The following ADCY5 variants were observed in gnomAD, a reference collection of about 807,000 sequenced individuals.
The protein encoded by ADCY5 is adenylate cyclase 5.
Under a neutral mutation model 119.7 loss-of-function variants are expected in ADCY5, and 30 were observed. The observed-to-expected ratio is 0.25, with a 90% CI of 0.19 to 0.34. The LOEUF (loss-of-function observed/expected upper bound fraction) is 0.34. ADCY5 is among the 10% of genes least tolerant of loss of function. The pLI, the probability that ADCY5 is intolerant of heterozygous loss-of-function variation, is 1.00. For synonymous variants in ADCY5, 753 were observed against 762.2 expected (o/e 0.99, Z 0.20); for missense variants, 1,324 against 1,775.2 (o/e 0.75, Z 4.57).
intron 1 of ADCY5, among the ~76,000 whole-genome samples, chr3:123,401,372 G>T (rs557830519): frequency 6.6e-6 from 1 of 152,304 alleles, no homozygotes; most frequent in South Asian, 2.1e-4. Flanking sequence ...GCCCCATCCA[G>T]ATGGGGAATG....
chr3:123,296,277 AC>A, intron 16 of ADCY5, 61 bp from the exon 17 acceptor site: 1 of 1,561,636 alleles, frequency 6.4e-7, no homozygotes, highest in Non-Finnish European at 8.7e-7. Flanking sequence ...GGCTCTGAGG[AC>A]CCCACCCCCA....
At chr3:123,374,119 G>A (rs974742995) in intron 1 of ADCY5, among the ~76,000 whole-genome samples, 1 of 152,162 alleles carries the variant, frequency 6.6e-6, no homozygotes, top group African/African-American at 2.4e-5. Flanking sequence ...GTCGGCCAAA[G>A]AGGTCAAGAC....
intron 17 of ADCY5, among the ~76,000 whole-genome samples, chr3:123,293,539 GCA>G (rs1232274875): frequency 1.3e-5 from 2 of 151,668 alleles, no homozygotes; most frequent in East Asian, 1.9e-4. Context: ...ACACGCACAT[GCA>G]CACACACACT....
At chr3:123,374,727 G>T (rs1357011560) in intron 1 of ADCY5, among the ~76,000 whole-genome samples, 2 of 151,922 alleles carry the variant, frequency 1.3e-5, no homozygotes, top group African/African-American at 4.8e-5. Flanking sequence ...GGCTGGGTCT[G>T]CAGACTAGGA....
intron 1 of ADCY5, among the ~76,000 whole-genome samples, chr3:123,355,721 G>C (rs1445599857): frequency 6.6e-6 from 1 of 151,160 alleles, no homozygotes; most frequent in African/African-American, 2.4e-5. Context: ...ACTGATGAAA[G>C]AAATTTTAAA....
At chr3:123,355,454 T>C (rs1287191619) in intron 1 of ADCY5, among the ~76,000 whole-genome samples, 1 of 152,158 alleles carries the variant, frequency 6.6e-6, no homozygotes, top group Non-Finnish European at 1.5e-5. Context: ...GTTGAATCTG[T>C]GGATGCAGAA....
intron 1 of ADCY5, among the ~76,000 whole-genome samples, chr3:123,401,607 C>T (rs1249391042): frequency 2.6e-5 from 4 of 152,132 alleles, no homozygotes; most frequent in African/African-American, 9.7e-5. Flanking sequence ...TTTGTTGGAA[C>T]AAGTGGTGGA....
chr3:123,331,282 A>G (rs1238605272), intron 4 of ADCY5, among the ~76,000 whole-genome samples: 1 of 152,136 alleles, frequency 6.6e-6, no homozygotes, highest in African/African-American at 2.4e-5. Context: ...ACTTTTAAAG[A>G]TCCACTCCAG....
chr3:123,425,453 G>C (rs1205134413), intron 1 of ADCY5, among the ~76,000 whole-genome samples: 1 of 152,226 alleles, frequency 6.6e-6, no homozygotes, highest in Non-Finnish European at 1.5e-5. Flanking sequence ...CTGGTGGTCT[G>C]TGGGTGGTTT....
At chr3:123,432,077 C>T (rs1280136127) in intron 1 of ADCY5, among the ~76,000 whole-genome samples, 3 of 152,208 alleles carry the variant, frequency 2.0e-5, no homozygotes, top group Admixed American at 1.3e-4. Context: ...TTGAGGTTAA[C>T]CCAGCCAGAA....
intron 1 of ADCY5, among the ~76,000 whole-genome samples, chr3:123,445,567 C>T (rs974177335): frequency 6.6e-6 from 1 of 152,204 alleles, no homozygotes; most frequent in East Asian, 1.9e-4. Context: ...TCTGAAAGCA[C>T]GAGTCCTCGG....
chr3:123,423,666 C>T (rs115123521), intron 1 of ADCY5, among the ~76,000 whole-genome samples: 55 of 152,332 alleles, frequency 3.6e-4, no homozygotes, highest in Middle Eastern at 3.4e-3. Context: ...CGTCACCAAG[C>T]CCCAAGGCAG....
chr3:123,359,907 C>G (rs1559835865), intron 1 of ADCY5, among the ~76,000 whole-genome samples: 1 of 152,158 alleles, frequency 6.6e-6, no homozygotes, highest in Non-Finnish European at 1.5e-5. Flanking sequence ...TTGTCTTACA[C>G]AGTGGTGGTG....
At position 123,286,997 on chromosome 3, in the gene ADCY5, G is replaced by A; in HGVS notation, c.3533-188C>T. 1 of 735,452 alleles carries A rather than the reference G, an allele frequency of 1.4e-6. No individual in the cohort carries two copies. Among genetic ancestry groups the A allele is most frequent in the Non-Finnish European group, 2.1e-6 (1 of 485,248 alleles). 45.6% of individuals were successfully genotyped at this position (735,452 alleles called of 1,614,324 possible). On this transcript the variant is annotated intron_variant, in intron 19 of 20. Transcript: ENST00000462833. This position sits in a 1 kb window ranked among gnomAD's most constrained non-coding sequence, Gnocchi z 4.2. ...TCCTGTCAAATGCCTGTGAATGCAA[G>A]ACACAAGGAGCCTGCACCTGTGTCC...
chr3:123,290,985 G>GA (rs1939108777), intron 18 of ADCY5, 128 bp downstream of exon 18: 7 of 1,279,142 alleles, frequency 5.5e-6, no homozygotes, highest in Non-Finnish European at 7.4e-6. Context: ...CCCGCCGGCA[G>GA]AGCTCCCATC....
intron 1 of ADCY5, among the ~76,000 whole-genome samples, chr3:123,439,931 T>C (rs1945694400): frequency 6.6e-6 from 1 of 152,246 alleles, no homozygotes; most frequent in African/African-American, 2.4e-5. Context: ...CAGCTCTCTG[T>C]TTCTAAGAAG....
intron 13 of ADCY5, among the ~76,000 whole-genome samples, chr3:123,303,841 G>T (rs1940009956): frequency 1.8e-5 from 1 of 56,916 alleles, no homozygotes; most frequent in Non-Finnish European, 3.2e-5. Context: ...GGAAAGAAAA[G>T]AGAAGAGAAG....
At chr3:123,345,739 C>CAGAGAGACAGAG (rs879672173) in intron 3 of ADCY5, among the ~76,000 whole-genome samples, 1 of 142,516 alleles carries the variant, frequency 7.0e-6, no homozygotes, top group South Asian at 2.4e-4. Flanking sequence ...GACAGAGAGA[C>CAGAGAGACAGAG]AGACAGACAG....
chr3:123,381,801 A>T (rs1419623197), intron 1 of ADCY5, among the ~76,000 whole-genome samples: 1 of 152,086 alleles, frequency 6.6e-6, no homozygotes, highest in Non-Finnish European at 1.5e-5. Context: ...GTCAGCTCTC[A>T]CCTGGGCACC....
Sources: allele counts gnomAD v4.1 joint callset (sites outside exome capture counted in the v4.1 genomes callset), GRCh38; gene constraint gnomAD v4.1.1; non-coding constraint Gnocchi (gnomAD v3.1); transcripts MANE v1.5; gene names NCBI Gene and HGNC (gene_info 2026-07-23, HGNC 2026-07-21).